ADAM9: variants seen among roughly 807,000 people sequenced by gnomAD.
The protein encoded by ADAM9 is ADAM metallopeptidase domain 9, also known as disintegrin and metalloproteinase domain-containing protein 9.
A neutral mutation model predicts 108.1 loss-of-function variants in ADAM9; 54 were observed. The observed-to-expected ratio is 0.50, with a 90% confidence interval of 0.40 to 0.63. ADAM9 has a LOEUF of 0.63. Ranked by LOEUF, ADAM9 falls within the 20% of genes least tolerant of loss-of-function variation. The pLI is 0.00. For missense variants in ADAM9, 830 were observed against 997.7 expected, an observed-to-expected ratio of 0.83 and a Z score of 2.26; for synonymous variants, 316 against 336.0, an observed-to-expected ratio of 0.94 and a Z score of 0.65.
At chr8:39,058,102 T>G (rs1838184310) in intron 14 of ADAM9, among the ~76,000 whole-genome samples, 1 of 152,172 alleles carries the variant, frequency 6.6e-6, no homozygotes, top group Non-Finnish European at 1.5e-5. Context: ...ATTCTTCTTC[T>G]TGATATCCCA....
At position 39,025,786 on chromosome 8, in the gene ADAM9, T is replaced by G; in HGVS notation, c.915-17T>G. Reference sequence around the variant, plus strand: ...TTTTCCCCAAGAACATTTTTTAACTTTTACATTTTCATTTAGAAAGAAAGG... The same window carrying G: ...TTTTCCCCAAGAACATTTTTTAACTGTTACATTTTCATTTAGAAAGAAAGG... On this transcript the variant is annotated splice_polypyrimidine_tract_variant and intron_variant, in intron 9 of 21. Coordinates refer to ENST00000487273, the MANE Select transcript of ADAM9 (RefSeq NM_003816.3). The G allele has an allele frequency of 6.2e-7, 1 of 1,612,850 alleles. No homozygotes were observed. The highest frequency in any genetic ancestry group is 8.5e-7 in the Non-Finnish European group (1 of 1,179,008).
At chr8:39,054,841 C>T (rs914386235) in intron 13 of ADAM9, among the ~76,000 whole-genome samples, 2 of 151,900 alleles carry the variant, frequency 1.3e-5, no homozygotes, top group Non-Finnish European at 2.9e-5. Flanking sequence ...TAACATGAAA[C>T]CATAGAAAGT....
chr8:39,003,668 T>C (rs2129431451), intron 1 of ADAM9, among the ~76,000 whole-genome samples: 1 of 152,304 alleles, frequency 6.6e-6, no homozygotes, highest in Non-Finnish European at 1.5e-5. Context: ...GTGCATTTGT[T>C]ATGATGTTTT....
intron 11 of ADAM9, among the ~76,000 whole-genome samples, chr8:39,039,893 A>G (rs994980119): frequency 6.6e-6 from 1 of 152,186 alleles, no homozygotes; most frequent in Non-Finnish European, 1.5e-5. Context: ...TGTATACCCA[A>G]AAGTGAGATT....
At chr8:39,061,115 C>A (rs764253532) in intron 14 of ADAM9, among the ~76,000 whole-genome samples, 4 of 152,232 alleles carry the variant, frequency 2.6e-5, no homozygotes, top group Non-Finnish European at 5.9e-5. Flanking sequence ...CCTGCCCCTG[C>A]ATCTTTCAAG....
In ADAM9 at chr8:39,040,620, T is replaced by C. The variant is rs796398841; in HGVS notation, c.1131-1326T>C. ...GTTATAAGATACACCTTATAAGATA[T>C]GTGGTTTGCAGATATTTTCTCCCAA... On this transcript the variant is annotated intron_variant, in intron 11 of 21. Transcript: ENST00000487273. Among the ~76,000 whole-genome samples the C allele has an allele frequency of 2.4e-4, 37 of 152,330 alleles. 1 individual carries two copies. Among genetic ancestry groups the C allele is most frequent in the African/African-American group, 8.9e-4 (37 of 41,578 alleles).
chr8:39,027,867 A>G (rs1836971713), intron 11 of ADAM9, among the ~76,000 whole-genome samples: 1 of 152,056 alleles, frequency 6.6e-6, no homozygotes, highest in African/African-American at 2.4e-5. Context: ...CCAGGAGTTC[A>G]AGACCAACCT....
intron 1 of ADAM9, among the ~76,000 whole-genome samples, chr8:39,005,082 G>A (rs1364849826): frequency 6.6e-6 from 1 of 152,158 alleles, no homozygotes; most frequent in Admixed American, 6.5e-5. Flanking sequence ...TCTGAGTGCT[G>A]CTGACATATT....
At chr8:39,099,972 C>T (rs1322017030) in intron 20 of ADAM9, among the ~76,000 whole-genome samples, 22 of 141,970 alleles carry the variant, frequency 1.5e-4, no homozygotes, top group African/African-American at 5.5e-4. Context: ...CACTGCCTCT[C>T]GGGTTCAAGC....
rs1487732649 is a variant in ADAM9 at position 39,083,023 on chromosome 8, G to T, written c.2018G>T (p.Cys673Phe). 6.2e-7 allele frequency: 1 copy of T among 1,613,838 alleles called. No homozygotes were observed. The highest frequency in any genetic ancestry group is 8.5e-7 in the Non-Finnish European group (1 of 1,179,860). ...HCENGWAPPN[C>F]ETKGYGGSVD... ...GAAAATGGCTGGGCTCCCCCAAATT[G>T]TGAGACTAAAGGATACGGAGGAAGT... Residue 673 changes from cysteine to phenylalanine, a missense_variant, in exon 18 of 22, where the codon TGT becomes TTT. Physicochemically the swap from Cys to Phe is radical, Grantham distance 205. Coordinates refer to ENST00000487273, the MANE Select transcript of ADAM9 (RefSeq NM_003816.3).
chr8:39,026,051 T>C (rs1470080876), intron 10 of ADAM9, among the ~76,000 whole-genome samples, 167 bp downstream of exon 10: 1 of 152,224 alleles, frequency 6.6e-6, no homozygotes, highest in African/African-American at 2.4e-5. Flanking sequence ...GGTCAAGTTT[T>C]TAAATATGTG....
intron 12 of ADAM9, among the ~76,000 whole-genome samples, chr8:39,045,150 ATGTGT>A: frequency 9.4e-6 from 1 of 106,912 alleles, no homozygotes; most frequent in Non-Finnish European, 2.2e-5. Flanking sequence ...ATGTGTATAT[ATGTGT>A]ATACATACAT....
intron 1 of ADAM9, among the ~76,000 whole-genome samples, chr8:38,997,544 T>G (rs1336712635): frequency 6.6e-6 from 1 of 152,150 alleles, no homozygotes; most frequent in Non-Finnish European, 1.5e-5. Context: ...GGGCGTTCAG[T>G]CCTCCAAACG....
At chr8:39,058,407 C>A (rs543748796) in intron 14 of ADAM9, among the ~76,000 whole-genome samples, 2 of 152,174 alleles carry the variant, frequency 1.3e-5, no homozygotes, top group African/African-American at 2.4e-5. Context: ...TTAGGGTGAC[C>A]CAAACTGTCG....
intron 21 of ADAM9, among the ~76,000 whole-genome samples, 162 bp downstream of exon 21, chr8:39,102,092 A>G (rs775383185): frequency 3.3e-5 from 5 of 152,204 alleles, no homozygotes; most frequent in African/African-American, 7.2e-5. Context: ...CTTTATATAA[A>G]TTTTATCATA....
rs1250699953 is a variant in ADAM9 at position 39,100,029 on chromosome 8, G to A, written c.2299-1834G>A. ...TGAGTAGCTGGAATTACAGGCGTGC[G>A]CCATCATGCCCGGGTGATTTTTTTG... is the stretch of plus-strand genomic sequence containing the variant. On this transcript the variant is annotated intron_variant, in intron 20 of 21. Transcript: ENST00000487273. Among the ~76,000 whole-genome samples the A allele has an allele frequency of 3.3e-5, 5 of 151,732 alleles. No homozygotes were observed. The East Asian group carries it at 5.9e-4, about 18-fold the overall frequency.
Position 39,014,598 on chromosome 8 carries a change from A to G in ADAM9, c.333+555A>G, listed in dbSNP as rs540842177. ...TCAAATTTGGCTTTCTGTGTTTATT[A>G]CTAGAGCATAAACATTTCTAGTTTT... On this transcript the variant is annotated intron_variant, in intron 4 of 21. Coordinates refer to ENST00000487273, the MANE Select transcript of ADAM9 (RefSeq NM_003816.3). 11 of 702,116 alleles carry G rather than the reference A, an allele frequency of 1.6e-5. No homozygotes were observed. The African/African-American group carries it at 1.9e-4, about 12-fold the overall frequency. 43.5% of individuals were successfully genotyped at this position (702,116 alleles called of 1,614,324 possible).
chr8:39,100,849 C>T (rs888494710), intron 20 of ADAM9, among the ~76,000 whole-genome samples: 2 of 152,204 alleles, frequency 1.3e-5, no homozygotes, highest in African/African-American at 4.8e-5. Context: ...TCCATCTGAT[C>T]ATTCCTAACG....
At chr8:39,058,290 C>T (rs1838191048) in intron 14 of ADAM9, among the ~76,000 whole-genome samples, 1 of 152,208 alleles carries the variant, frequency 6.6e-6, no homozygotes, top group African/African-American at 2.4e-5. Flanking sequence ...GTCTTCGTTT[C>T]TGCAACTGGT....
Sources: gnomAD v4.1 joint callset for allele counts (sites outside exome capture counted in the v4.1 genomes callset) on GRCh38, gnomAD v4.1.1 for gene constraint, MANE v1.5 for transcripts, NCBI Gene and HGNC (gene_info 2026-07-23, HGNC 2026-07-21) for gene names.